The following SEMA3A variants were observed in gnomAD, a reference collection of about 807,000 sequenced individuals.
SEMA3A encodes semaphorin 3A, also known as semaphorin-3A.
In SEMA3A, 29 loss-of-function variants were observed where a neutral mutation model predicts 97.9. The observed-to-expected ratio is 0.30, with a 90% confidence interval of 0.22 to 0.40. SEMA3A has a LOEUF of 0.40. SEMA3A is among the 10% of genes least tolerant of loss of function. SEMA3A has a pLI of 1.00. For missense variants in SEMA3A, 763 were observed against 951.3 expected (o/e 0.80, Z 2.60); for synonymous variants, 321 against 323.7 (o/e 0.99, Z 0.09).
intron 12 of SEMA3A, among the ~76,000 whole-genome samples, chr7:83,997,938 A>G (rs1203054317): frequency 6.6e-6 from 1 of 151,950 alleles, no homozygotes; most frequent in African/African-American, 2.4e-5. Context: ...GGGTTTCACC[A>G]TCTTGGCCAG....
chr7:84,430,811 G>GTA (rs1157077283), intron 1 of SEMA3A, among the ~76,000 whole-genome samples: 7 of 137,184 alleles, frequency 5.1e-5, no homozygotes, highest in Non-Finnish European at 1.1e-4. Flanking sequence ...GTGTGTGTGT[G>GTA]TGTGTGTGTG....
rs573994877 is a variant in SEMA3A, at chr7:84,443,020, TG to T, written c.-246+49439del. Among the ~76,000 whole-genome samples the T allele has an allele frequency of 6.9e-4, 105 of 152,184 alleles. 1 individual carries two copies. The highest frequency in any genetic ancestry group is 2.3e-3 in the African/African-American group (97 of 41,534). On this transcript the variant is annotated intron_variant, in intron 1 of 3. Transcript: ENST00000424555. ...GAAAAATAGACAATTATATGATAAT[TG>T]TTGAAGACTTCAATACACCCCTACC...
chr7:84,406,892 G>A (rs868413592), intron 1 of SEMA3A, among the ~76,000 whole-genome samples: 1 of 152,054 alleles, frequency 6.6e-6, no homozygotes, highest in South Asian at 2.1e-4. Flanking sequence ...GTATTGATGG[G>A]ACGTATCTCA....
intron 1 of SEMA3A, among the ~76,000 whole-genome samples, chr7:84,485,930 T>C (rs565785646): frequency 1.3e-5 from 2 of 152,276 alleles, no homozygotes; most frequent in South Asian, 4.1e-4. Flanking sequence ...TTTCATCAAG[T>C]TTACAAATTG....
intron 3 of SEMA3A, among the ~76,000 whole-genome samples, chr7:84,209,680 G>A (rs1798578765): frequency 6.6e-6 from 1 of 152,110 alleles, no homozygotes; most frequent in African/African-American, 2.4e-5. Context: ...ATTTCTTCAT[G>A]TAAAACTGTA....
At chr7:84,017,169 A>G (rs984479661) in intron 6 of SEMA3A, among the ~76,000 whole-genome samples, 6 of 152,212 alleles carry the variant, frequency 3.9e-5, no homozygotes, top group African/African-American at 1.4e-4. Flanking sequence ...TTTTACATGT[A>G]TAGATTCTTA....
At chr7:84,049,306 C>G (rs1037893080) in intron 5 of SEMA3A, among the ~76,000 whole-genome samples, 1 of 152,048 alleles carries the variant, frequency 6.6e-6, no homozygotes, top group African/African-American at 2.4e-5. Flanking sequence ...TGTCCATACT[C>G]AATGTCAGTA....
intron 2 of SEMA3A, among the ~76,000 whole-genome samples, chr7:84,325,117 C>CTCTATCTATCTATCTATCTATCTA (rs60907885): frequency 6.7e-6 from 1 of 149,052 alleles, no homozygotes. Context: ...ATGTATATAT[C>CTCTATCTATCTATCTATCTATCTA]TCTATCTATC....
chr7:84,358,197 A>G (rs972448767), intron 2 of SEMA3A, among the ~76,000 whole-genome samples: 1 of 152,206 alleles, frequency 6.6e-6, no homozygotes, highest in African/African-American at 2.4e-5. Flanking sequence ...TGCTTTAGAC[A>G]TGAAGTCCTT....
chr7:84,034,328 C>T (rs904480825), intron 6 of SEMA3A, among the ~76,000 whole-genome samples: 1 of 151,988 alleles, frequency 6.6e-6, no homozygotes, highest in Non-Finnish European at 1.5e-5. Context: ...ATATCTGACT[C>T]GACAAACATT....
At chr7:84,345,221 C>T (rs1489812383) in intron 2 of SEMA3A, among the ~76,000 whole-genome samples, 1 of 152,074 alleles carries the variant, frequency 6.6e-6, no homozygotes, top group South Asian at 2.1e-4. Flanking sequence ...AATGAACATA[C>T]TTTAATTTAA....
At chr7:84,268,217 G>A (rs1318090756) in intron 3 of SEMA3A, among the ~76,000 whole-genome samples, 1 of 150,486 alleles carries the variant, frequency 6.6e-6, no homozygotes, top group East Asian at 2.0e-4. Flanking sequence ...ACCAAACTGA[G>A]CAAAGAAAGA....
chr7:84,065,843 G>A (rs4431530), intron 4 of SEMA3A, among the ~76,000 whole-genome samples: 8,494 of 149,596 alleles, frequency 0.057, 370 homozygotes, highest in East Asian at 0.2. Context: ...CCAGAGGTAC[G>A]AGGAGGAACT....
At chr7:83,986,180 T>C (rs1789628046) in intron 12 of SEMA3A, among the ~76,000 whole-genome samples, 1 of 152,162 alleles carries the variant, frequency 6.6e-6, no homozygotes, top group Admixed American at 6.5e-5. Flanking sequence ...GCCTCATTCC[T>C]AACAACACCA....
At chr7:84,424,442 TATATA>T (rs1329882820) in intron 1 of SEMA3A, among the ~76,000 whole-genome samples, 1 of 125,634 alleles carries the variant, frequency 8.0e-6, no homozygotes, top group East Asian at 2.2e-4. Flanking sequence ...AAATACATAA[TATATA>T]ATATAATAAT....
chr7:84,380,470 T>G (rs1400247884), intron 1 of SEMA3A, among the ~76,000 whole-genome samples: 1 of 152,108 alleles, frequency 6.6e-6, no homozygotes, highest in Non-Finnish European at 1.5e-5. Flanking sequence ...TCAGAGGAGG[T>G]GATGGTTTTC....
At chr7:84,346,626 A>G (rs570059542) in intron 2 of SEMA3A, among the ~76,000 whole-genome samples, 2 of 152,250 alleles carry the variant, frequency 1.3e-5, no homozygotes, top group South Asian at 4.1e-4. Context: ...GAACACACCA[A>G]CATTTATCTA....
intron 4 of SEMA3A, among the ~76,000 whole-genome samples, chr7:84,069,250 T>C (rs1024671137): frequency 1.3e-5 from 2 of 152,174 alleles, no homozygotes; most frequent in Non-Finnish European, 2.9e-5. Flanking sequence ...GTGCCTTTTA[T>C]TGGCTCTGTG....
At chr7:84,128,985 A>G in intron 3 of SEMA3A, 138 bp downstream of exon 3, 2 of 641,978 alleles carry the variant, frequency 3.1e-6, no homozygotes, top group Non-Finnish European at 5.5e-6. Flanking sequence ...TCCTAAAGAT[A>G]TCTTATTATA....
Sources: gnomAD v4.1 joint callset for allele counts (sites outside exome capture counted in the v4.1 genomes callset) on GRCh38, gnomAD v4.1.1 for gene constraint, MANE v1.5 for transcripts, NCBI Gene and HGNC (gene_info 2026-07-23, HGNC 2026-07-21) for gene names.